The following TBC1D2B variants were observed in gnomAD, a reference collection of about 807,000 sequenced individuals.
The protein encoded by TBC1D2B is TBC1 domain family, member 2B.
Under a neutral mutation model 100.8 loss-of-function variants are expected in TBC1D2B, and 64 were observed. That is an observed-to-expected ratio of 0.64 (90% CI 0.52 to 0.78). The LOEUF (loss-of-function observed/expected upper bound fraction) is 0.78, where lower values mean the gene tolerates loss of function less well. Ranked by LOEUF, TBC1D2B falls within the 30% of genes least tolerant of loss-of-function variation. TBC1D2B has a pLI of 0.00. For synonymous variants in TBC1D2B, 480 were observed against 479.7 expected, an observed-to-expected ratio of 1.00 and a Z score of -0.01; for missense variants, 1,052 against 1,218.4, an observed-to-expected ratio of 0.86 and a Z score of 2.03.
At chr15:78,028,583 A>G (rs1191384464) in intron 4 of TBC1D2B, among the ~76,000 whole-genome samples, 1 of 152,250 alleles carries the variant, frequency 6.6e-6, no homozygotes, top group Non-Finnish European at 1.5e-5. Flanking sequence ...AATCCTGATC[A>G]ATCTTAATAT....
chr15:78,007,003 G>A (rs946209628), intron 10 of TBC1D2B, among the ~76,000 whole-genome samples: 1 of 152,250 alleles, frequency 6.6e-6, no homozygotes, highest in Non-Finnish European at 1.5e-5. Flanking sequence ...CCCGAGCAGC[G>A]GGAACAGCAG....
At chr15:78,041,558 G>T (rs1191064386) in intron 3 of TBC1D2B, among the ~76,000 whole-genome samples, 6 of 152,166 alleles carry the variant, frequency 3.9e-5, no homozygotes, top group African/African-American at 1.4e-4. Flanking sequence ...AATGTTGACA[G>T]CATTTTGAGT....
chr15:78,047,156 G>A (rs1053101588), intron 2 of TBC1D2B, among the ~76,000 whole-genome samples: 1 of 150,466 alleles, frequency 6.6e-6, no homozygotes, highest in African/African-American at 2.5e-5. Flanking sequence ...TGGTAACAGA[G>A]TATACACTTT....
intron 4 of TBC1D2B, among the ~76,000 whole-genome samples, chr15:78,026,869 C>T (rs7178073): frequency 0.019 from 2,884 of 150,986 alleles, 93 homozygotes; most frequent in African/African-American, 0.066. Context: ...TCATTGCACT[C>T]CAGCCTAGGC....
intron 1 of TBC1D2B, among the ~76,000 whole-genome samples, chr15:78,071,954 G>A (rs551820548): frequency 1.3e-5 from 2 of 152,316 alleles, no homozygotes; most frequent in African/African-American, 4.8e-5. Context: ...GGTTTGCAAA[G>A]GAATGCCTTT....
chr15:78,050,471 G>A (rs774901575), intron 2 of TBC1D2B, among the ~76,000 whole-genome samples: 1 of 152,190 alleles, frequency 6.6e-6, no homozygotes, highest in East Asian at 1.9e-4. Context: ...GTTTATGTGG[G>A]GAATGAAGTA....
At chr15:78,019,616 G>A (rs1162563450) in intron 6 of TBC1D2B, among the ~76,000 whole-genome samples, 1 of 150,750 alleles carries the variant, frequency 6.6e-6, no homozygotes. Flanking sequence ...GGCTGGGAAT[G>A]GTGACTCATG....
rs986557921 is a variant in TBC1D2B at position 78,004,585 on chromosome 15, C to G, written c.2389-1095G>C. On this transcript the variant is annotated intron_variant, in intron 10 of 12. Coordinates refer to ENST00000300584, the MANE Select transcript of TBC1D2B (RefSeq NM_144572.2). ...CCCACTCCACGTGAACCGGTATGCA[C>G]GTGTACAAAACAGAAACAAATGTTT... 2.0e-5 allele frequency among the ~76,000 whole-genome samples: 3 copies of G among 152,240 alleles called. No homozygotes were observed. The South Asian group carries it at 6.2e-4, about 31-fold the overall frequency.
chr15:78,001,868 G>A, intron 11 of TBC1D2B, 128 bp from the exon 12 acceptor site: 1 of 1,105,874 alleles, frequency 9.0e-7, no homozygotes, highest in Non-Finnish European at 1.2e-6. Context: ...CCGCCCTGGG[G>A]AAAGACTATT....
intron 3 of TBC1D2B, among the ~76,000 whole-genome samples, chr15:78,035,098 C>T (rs1201759454): frequency 6.6e-6 from 1 of 152,182 alleles, no homozygotes; most frequent in Non-Finnish European, 1.5e-5. Context: ...TCCCAGGCAG[C>T]GTGCCAGGTG....
intron 10 of TBC1D2B, among the ~76,000 whole-genome samples, chr15:78,005,840 T>C (rs2072052155): frequency 6.6e-6 from 1 of 152,256 alleles, no homozygotes; most frequent in South Asian, 2.1e-4. Flanking sequence ...GGAAAAAGTC[T>C]CCTTAGATTT....
chr15:78,071,360 T>A (rs2073740460), intron 1 of TBC1D2B, among the ~76,000 whole-genome samples: 2 of 152,190 alleles, frequency 1.3e-5, no homozygotes, highest in African/African-American at 4.8e-5. Flanking sequence ...TAACTAAAAG[T>A]TAAAACACAG....
At chr15:78,030,214 A>C (rs1331781244) in intron 3 of TBC1D2B, 44 bp from the exon 4 acceptor site, 1 of 1,547,006 alleles carries the variant, frequency 6.5e-7, no homozygotes, top group Non-Finnish European at 8.8e-7. Flanking sequence ...AACAAAAGTA[A>C]AACAAAACGT....
Position 77,998,153 on chromosome 15 carries a change from A to G in TBC1D2B, c.*7T>C. ...TGAAGGAAGGAAGAGCAGCATCCCG[A>G]GCCCACTCAGGTATCCTCCTCCTCG... is the stretch of plus-strand genomic sequence containing the variant. On this transcript the variant is annotated 3_prime_UTR_variant, in exon 13 of 13. Transcript: ENST00000300584. The G allele has an allele frequency of 6.6e-7, 1 of 1,507,130 alleles. No individual in the cohort carries two copies. Among genetic ancestry groups the G allele is most frequent in the Non-Finnish European group, 8.9e-7 (1 of 1,122,874 alleles). The allele number at this position is 1,507,130 out of a possible 1,614,324, so 93.4% of individuals were successfully genotyped here.
At chr15:78,040,618 A>AAGAGAG (rs10657887) in intron 3 of TBC1D2B, among the ~76,000 whole-genome samples, 5 of 132,476 alleles carry the variant, frequency 3.8e-5, no homozygotes, top group East Asian at 4.2e-4. Context: ...GAGAGAAAGA[A>AAGAGAG]AGAGAGAGAG....
intron 10 of TBC1D2B, among the ~76,000 whole-genome samples, chr15:78,003,801 A>T (rs893978271): frequency 3.9e-5 from 6 of 152,200 alleles, no homozygotes. Context: ...CACTGCAAGC[A>T]GCAGGTAGGA....
At chr15:78,068,944 A>G (rs2073703525) in intron 1 of TBC1D2B, among the ~76,000 whole-genome samples, 1 of 152,234 alleles carries the variant, frequency 6.6e-6, no homozygotes, top group African/African-American at 2.4e-5. Flanking sequence ...ACCAGAACCG[A>G]AAATTGCTAA....
At chr15:78,024,973 C>T (rs1366838833) in intron 5 of TBC1D2B, among the ~76,000 whole-genome samples, 1 of 152,184 alleles carries the variant, frequency 6.6e-6, no homozygotes, top group African/African-American at 2.4e-5. Flanking sequence ...TAGGGAGATT[C>T]AACCTCAGGG....
chr15:78,003,675 C>T (rs1036825979), intron 10 of TBC1D2B, 185 bp from the exon 11 acceptor site: 1 of 564,132 alleles, frequency 1.8e-6, no homozygotes, highest in Non-Finnish European at 3.2e-6. Context: ...TGACCTCGTG[C>T]ACTGCAGGTA....
Sources: allele counts gnomAD v4.1 joint callset (sites outside exome capture counted in the v4.1 genomes callset), GRCh38; gene constraint gnomAD v4.1.1; transcripts MANE v1.5; gene names NCBI Gene and HGNC (gene_info 2026-07-23, HGNC 2026-07-21).